The following GDE1 variants were observed in gnomAD, a reference collection of about 807,000 sequenced individuals.
The protein encoded by GDE1 is RGS16-interacting membrane protein.
GDE1 carries 24 observed loss-of-function variants against 32.2 expected under a neutral mutation model. The ratio of observed to expected loss-of-function variants is 0.75; its 90% CI spans 0.54 to 1.05. GDE1 has a LOEUF of 1.05. Ranked by LOEUF, GDE1 falls within the 50% of genes least tolerant of loss-of-function variation. The pLI is 0.00. For missense variants in GDE1, 380 were observed against 415.0 expected (o/e 0.92, Z 0.73); for synonymous variants, 159 against 158.6 (o/e 1.00, Z -0.02).
At chr16:19,512,724 G>A (rs979673650) in intron 2 of GDE1, among the ~76,000 whole-genome samples, 2 of 151,962 alleles carry the variant, frequency 1.3e-5, no homozygotes, top group African/African-American at 2.4e-5. Flanking sequence ...ATTTTGTGTT[G>A]ATTTTTTAAA....
At chr16:19,510,505 T>C (rs1473984243) in intron 3 of GDE1, among the ~76,000 whole-genome samples, 1 of 152,166 alleles carries the variant, frequency 6.6e-6, no homozygotes, top group African/African-American at 2.4e-5. Context: ...TTTTTTCAAG[T>C]AACTCAAGGT....
chr16:19,514,799 G>A (rs1002479173), intron 2 of GDE1, among the ~76,000 whole-genome samples: 2 of 152,136 alleles, frequency 1.3e-5, no homozygotes, highest in African/African-American at 4.8e-5. Flanking sequence ...GGTACAGTGG[G>A]CTCATGCCTG....
chr16:19,505,872 A>G (rs1349635345), intron 4 of GDE1, among the ~76,000 whole-genome samples: 1 of 152,222 alleles, frequency 6.6e-6, no homozygotes, highest in Non-Finnish European at 1.5e-5. Context: ...ACTGGTAAAT[A>G]AAAGGAAAGA....
chr16:19,511,071 C>T (rs1969312923), intron 2 of GDE1, 127 bp from the exon 3 acceptor site: 4 of 532,470 alleles, frequency 7.5e-6, no homozygotes, highest in South Asian at 2.9e-5. Context: ...TTTTTTCGAC[C>T]ATAGCAAAGT....
chr16:19,502,400 T>A lies in GDE1; in HGVS notation c.*1070A>T. ...TTTTTTTTTTTTTTTTTTTTTTTTT[T>A]TTTAAGAGTCAGGTTCTCACTGTGC... On this transcript the variant is annotated 3_prime_UTR_variant, in exon 6 of 6. Transcript: ENST00000353258. 1.6e-5 allele frequency: 1 copy of A among 61,614 alleles called. No homozygotes were observed. The highest frequency in any genetic ancestry group is 5.1e-4 in the East Asian group (1 of 1,954). The allele number at this position is 61,614 out of a possible 1,614,324, so 3.8% of individuals were successfully genotyped here.
At chr16:19,517,789 C>A (rs141694181) in intron 1 of GDE1, among the ~76,000 whole-genome samples, 3 of 152,128 alleles carry the variant, frequency 2.0e-5, no homozygotes, top group Non-Finnish European at 4.4e-5. Flanking sequence ...TTAAATTACA[C>A]GAGCCATGCT....
intron 1 of GDE1, 100 bp from the exon 2 acceptor site, chr16:19,517,289 T>C: frequency 1.0e-5 from 9 of 870,888 alleles, no homozygotes; most frequent in Admixed American, 2.1e-5. Context: ...ACAGCTGTCC[T>C]TTTTGATTCA....
chr16:19,504,605 AG>A (rs1345045799), intron 5 of GDE1: 10 of 314,226 alleles, frequency 3.2e-5, no homozygotes, highest in Non-Finnish European at 4.7e-5. Flanking sequence ...AACCAGTCAC[AG>A]AAATAAAATC....
rs1177292690 is a variant in GDE1 at position 19,502,174 on chromosome 16, C to T, written c.*1296G>A. ...GGTAGTGGCTCTGGGGGCAGACTGA[C>T]CTAGATTTGAATGCCAGTTGTACCA... On this transcript the variant is annotated 3_prime_UTR_variant, in exon 6 of 6. Coordinates refer to ENST00000353258, the MANE Select transcript of GDE1 (RefSeq NM_016641.4). The T allele has an allele frequency of 6.6e-6, 1 of 152,016 alleles. No individual in the cohort carries two copies. Among genetic ancestry groups the T allele is most frequent in the East Asian group, 1.9e-4 (1 of 5,190 alleles). The allele number at this position is 152,016 out of a possible 1,614,324, so 9.4% of individuals were successfully genotyped here.
intron 2 of GDE1, among the ~76,000 whole-genome samples, chr16:19,513,931 C>T (rs549388428): frequency 1.0e-3 from 154 of 152,280 alleles, no homozygotes; most frequent in African/African-American, 3.6e-3. Flanking sequence ...GTGCCCAAGA[C>T]ATTTTTAATT....
rs552376811 is a variant in GDE1 at position 19,512,608 on chromosome 16, G to A, written c.438-1664C>T. ...TGTTTTTGTTGCCTGTGCTTTTGAG[G>A]TCTTAGCCATAAAATCTTTGCCTAG... On this transcript the variant is annotated intron_variant, in intron 2 of 5. Coordinates refer to ENST00000353258, the MANE Select transcript of GDE1 (RefSeq NM_016641.4). Among the ~76,000 whole-genome samples the A allele has an allele frequency of 1.3e-3, 195 of 152,134 alleles. 3 individuals are homozygous for A. The highest frequency in any genetic ancestry group is 1.7e-3 in the Non-Finnish European group (114 of 67,964).
chr16:19,506,319 AAAAAC>A (rs1250106261), intron 4 of GDE1, among the ~76,000 whole-genome samples: 1 of 152,132 alleles, frequency 6.6e-6, no homozygotes. Context: ...AACAAACAAA[AAAAAC>A]AGAGAGAGAG....
chr16:19,510,117 A>T (rs762821222), intron 3 of GDE1, among the ~76,000 whole-genome samples: 1 of 152,222 alleles, frequency 6.6e-6, no homozygotes, highest in Non-Finnish European at 1.5e-5. Flanking sequence ...CTTGCACTTG[A>T]AAAGCTGGTT....
intron 1 of GDE1, among the ~76,000 whole-genome samples, chr16:19,520,650 G>A (rs896006507): frequency 2.0e-5 from 3 of 151,532 alleles, no homozygotes; most frequent in Non-Finnish European, 4.4e-5. Flanking sequence ...GCTTGAACAC[G>A]GGAGGCAGGG....
chr16:19,507,803 A>C, intron 3 of GDE1, 24 bp from the exon 4 acceptor site: 1 of 1,096,978 alleles, frequency 9.1e-7, no homozygotes, highest in Non-Finnish European at 1.4e-6. Flanking sequence ...AGATTCATAT[A>C]TTTAAAATTG....
chr16:19,508,019 C>T (rs1353465270), intron 3 of GDE1, among the ~76,000 whole-genome samples: 2 of 152,112 alleles, frequency 1.3e-5, no homozygotes, highest in African/African-American at 4.8e-5. Context: ...GGGCCTCACC[C>T]CTTTTGGAAT....
Position 19,510,860 on chromosome 16 carries a change from A to G in GDE1, c.522T>C (p.Asp174=), listed in dbSNP as rs1316032934. 6.3e-7 allele frequency: 1 copy of G among 1,587,370 alleles called. No homozygotes were observed. The highest frequency in any genetic ancestry group is 1.1e-5 in the South Asian group (1 of 87,754). Residue 174 remains aspartate (D), a synonymous_variant, in exon 3 of 6, where the codon GAT becomes GAC. Coordinates refer to ENST00000353258, the MANE Select transcript of GDE1 (RefSeq NM_016641.4). ...GTACCTTGTGTGCATGGCCTTTGAC[A>G]TCAAAGAAGATTGTGAGGTTATGGT... ...CLNHNLTIFF[D]VKGHAHKATE... is the part of the protein sequence containing the mutation.
chr16:19,508,184 T>G (rs1346500851), intron 3 of GDE1, among the ~76,000 whole-genome samples: 1 of 152,116 alleles, frequency 6.6e-6, no homozygotes, highest in Admixed American at 6.5e-5. Context: ...CCAGCCAGTC[T>G]GGGAACTACA....
chr16:19,504,673 C>T (rs1320914720), intron 5 of GDE1: 2 of 503,560 alleles, frequency 4.0e-6, no homozygotes, highest in Non-Finnish European at 3.5e-6. Context: ...CACTAAAAAA[C>T]CGAAAATATG....
Sources: allele counts gnomAD v4.1 joint callset (sites outside exome capture counted in the v4.1 genomes callset), GRCh38; gene constraint gnomAD v4.1.1; transcripts MANE v1.5; gene names NCBI Gene and HGNC (gene_info 2026-07-23, HGNC 2026-07-21).